Variants in PCDH7 observed in about 807,000 individuals in gnomAD.
PCDH7 encodes protocadherin 7.
Under a neutral mutation model 58.9 loss-of-function variants are expected in PCDH7, and 17 were observed. The ratio of observed to expected loss-of-function variants is 0.29; its 90% CI spans 0.20 to 0.43. PCDH7 has a LOEUF of 0.43. Ranked by LOEUF, PCDH7 falls within the 20% of genes least tolerant of loss-of-function variation. The probability of loss-of-function intolerance (pLI) is 1.00; values close to 1 mark genes in which losing one functional copy is unlikely to be tolerated. For synonymous variants in PCDH7, 664 were observed against 616.4 expected, an observed-to-expected ratio of 1.08 and a Z score of -1.14; for missense variants, 1,274 against 1,441.0, an observed-to-expected ratio of 0.88 and a Z score of 1.88.
intron 1 of PCDH7, among the ~76,000 whole-genome samples, chr4:30,910,694 T>C (rs1741617315): frequency 6.6e-6 from 1 of 152,138 alleles, no homozygotes; most frequent in South Asian, 2.1e-4. Context: ...ATGGGAATGC[T>C]TTTACACTGT....
intron 3 of PCDH7, among the ~76,000 whole-genome samples, chr4:30,967,249 C>T (rs1335889203): frequency 2.0e-5 from 3 of 151,822 alleles, no homozygotes; most frequent in East Asian, 3.9e-4. Context: ...GATTTTTATC[C>T]GTTTGGTTAT....
chr4:31,016,864 GT>G (rs1753653165), intron 3 of PCDH7, among the ~76,000 whole-genome samples: 1 of 149,452 alleles, frequency 6.7e-6, no homozygotes, highest in East Asian at 2.0e-4. Context: ...GTGTGTGTGT[GT>G]GCTGAGTGTG....
At chr4:30,728,527 G>A (rs1473318401) in intron 1 of PCDH7, among the ~76,000 whole-genome samples, 4 of 151,700 alleles carry the variant, frequency 2.6e-5, no homozygotes, top group Non-Finnish European at 5.9e-5. Flanking sequence ...AATAGCTGAT[G>A]GAAGTTAGGC....
intron 3 of PCDH7, among the ~76,000 whole-genome samples, chr4:31,093,758 T>G (rs1184547883): frequency 6.6e-6 from 1 of 152,150 alleles, no homozygotes; most frequent in African/African-American, 2.4e-5. Context: ...AGTTATACGT[T>G]GAAAGGCAAC....
downstream of PCDH7, among the ~76,000 whole-genome samples, chr4:30,736,535 A>ATTTT (rs35719962): frequency 4.5e-5 from 6 of 134,578 alleles, no homozygotes; most frequent in African/African-American, 1.8e-4. Context: ...ATTTTCATTT[A>ATTTT]TTTTTTTTTT....
At chr4:31,135,043 C>T (rs996447579) in intron 3 of PCDH7, among the ~76,000 whole-genome samples, 3 of 152,126 alleles carry the variant, frequency 2.0e-5, no homozygotes, top group African/African-American at 7.2e-5. Context: ...CATGTCCATG[C>T]ATCATGAAAT....
chr4:30,973,132 G>A (rs556687011), intron 3 of PCDH7, among the ~76,000 whole-genome samples: 2 of 152,328 alleles, frequency 1.3e-5, no homozygotes, highest in South Asian at 2.1e-4. Flanking sequence ...AAATGGCCAA[G>A]TGTGTAATAG....
At chr4:31,054,118 A>C (rs978982887) in intron 3 of PCDH7, among the ~76,000 whole-genome samples, 22 of 152,104 alleles carry the variant, frequency 1.4e-4, no homozygotes, top group African/African-American at 5.3e-4. Flanking sequence ...GGCACATACC[A>C]CCATGCCCAG....
chr4:30,772,598 C>T (rs956814869), intron 1 of PCDH7, among the ~76,000 whole-genome samples: 5 of 152,138 alleles, frequency 3.3e-5, no homozygotes, highest in African/African-American at 7.2e-5. Flanking sequence ...TTCCATCTGC[C>T]ATGCCTAGAA....
intron 1 of PCDH7, among the ~76,000 whole-genome samples, chr4:30,836,048 GA>G (rs1730445317): frequency 6.6e-6 from 1 of 152,174 alleles, no homozygotes; most frequent in Non-Finnish European, 1.5e-5. Flanking sequence ...AGAGATTGAA[GA>G]TGTTAGCAGT....
intron 3 of PCDH7, among the ~76,000 whole-genome samples, chr4:31,134,720 T>G (rs1410023522): frequency 6.6e-6 from 1 of 152,168 alleles, no homozygotes. Context: ...TCTGCCTGGC[T>G]CACTCATATG....
chr4:30,790,376 A>G lies in PCDH7; in HGVS notation c.70+65780A>G, dbSNP rs990821721. ...CTAGTAAAGCTACAGAACTAGCAGGAAGTGGAACTGGACTTTGAGTCCAGA... is the reference window on the plus strand; with the variant it reads ...CTAGTAAAGCTACAGAACTAGCAGGGAGTGGAACTGGACTTTGAGTCCAGA... On this transcript the variant is annotated intron_variant, in intron 1 of 3. Transcript: ENST00000509759. Among the ~76,000 whole-genome samples the G allele has an allele frequency of 5.1e-4, 77 of 152,310 alleles. 1 individual carries two copies. The highest frequency in any genetic ancestry group is 4.6e-3 in the Admixed American group (70 of 15,300).
chr4:31,104,365 GA>G (rs1319544755), intron 3 of PCDH7, among the ~76,000 whole-genome samples: 1 of 152,016 alleles, frequency 6.6e-6, no homozygotes, highest in African/African-American at 2.4e-5. Context: ...GCAAGTGGAA[GA>G]AAAAAACATC....
At chr4:30,990,436 T>C (rs998719579) in intron 3 of PCDH7, among the ~76,000 whole-genome samples, 2 of 152,152 alleles carry the variant, frequency 1.3e-5, no homozygotes, top group African/African-American at 2.4e-5. Context: ...TTAATACCTG[T>C]AAATTCCATG....
intron 2 of PCDH7, among the ~76,000 whole-genome samples, chr4:30,939,642 C>G (rs1373224661): frequency 1.3e-5 from 2 of 152,028 alleles, no homozygotes; most frequent in African/African-American, 4.8e-5. Flanking sequence ...GATGATTTGT[C>G]AAATTTATGG....
intron 3 of PCDH7, among the ~76,000 whole-genome samples, chr4:31,135,245 T>G (rs1481786465): frequency 6.6e-6 from 1 of 152,196 alleles, no homozygotes; most frequent in African/African-American, 2.4e-5. Context: ...CAAAGCAAGA[T>G]AGCACGCTGG....
chr4:30,929,058 C>T (rs1228178755), intron 2 of PCDH7, among the ~76,000 whole-genome samples: 1 of 152,030 alleles, frequency 6.6e-6, no homozygotes, highest in Non-Finnish European at 1.5e-5. Context: ...TGGATAATTA[C>T]TAAAAATATG....
intron 3 of PCDH7, among the ~76,000 whole-genome samples, chr4:31,111,093 G>A (rs1716242815): frequency 6.6e-6 from 1 of 151,914 alleles, no homozygotes; most frequent in South Asian, 2.1e-4. Context: ...CTGTGATTGA[G>A]GGTATTAGTA....
intron 1 of PCDH7, among the ~76,000 whole-genome samples, chr4:30,793,333 A>G (rs1276886845): frequency 6.6e-6 from 1 of 152,194 alleles, no homozygotes; most frequent in East Asian, 1.9e-4. Context: ...TTTGAGATTA[A>G]CATTTGGATT....
Sources: gnomAD v4.1 joint callset for allele counts (sites outside exome capture counted in the v4.1 genomes callset) on GRCh38, gnomAD v4.1.1 for gene constraint, MANE v1.5 for transcripts, NCBI Gene and HGNC (gene_info 2026-07-23, HGNC 2026-07-21) for gene names.